The following DMRT2 variants were observed in gnomAD, a reference collection of about 807,000 sequenced individuals.
The protein encoded by DMRT2 is doublesex- and mab-3-related transcription factor 2.
In DMRT2, 33 loss-of-function variants were observed where a neutral mutation model predicts 43.5. That is an observed-to-expected ratio of 0.76 (90% CI 0.58 to 1.01). The LOEUF (loss-of-function observed/expected upper bound fraction) is 1.01. Among genes scored for constraint, DMRT2 ranks in the 50% least tolerant of loss-of-function variants. The pLI, the probability that DMRT2 is intolerant of heterozygous loss-of-function variation, is 0.00. For synonymous variants in DMRT2, 395 were observed against 309.2 expected (o/e 1.28, Z -2.91); for missense variants, 1,064 against 748.0 (o/e 1.42, Z -4.93).
In DMRT2 at chr9:1,051,595, C is replaced by A. The variant is rs776923221; in HGVS notation, c.-19C>A. 2.6e-6 allele frequency: 4 copies of A among 1,517,114 alleles called. No individual in the cohort carries two copies. The South Asian group carries it at 4.9e-5, about 19-fold the overall frequency. The allele number at this position is 1,517,114 out of a possible 1,614,324, so 94.0% of individuals were successfully genotyped here. ...AGTGAGGGCCGCCAGGCTCAGGCCC[C>A]AGCGAAGCCCCGAGCGCCATGGCCG... On this transcript the variant is annotated 5_prime_UTR_variant, in exon 2 of 4. Coordinates refer to ENST00000358146, the MANE Select transcript of DMRT2 (RefSeq NM_181872.6). The surrounding 1 kb of genome is among the most constrained non-coding windows in gnomAD (Gnocchi z 5.9).
intron 3 of DMRT2, among the ~76,000 whole-genome samples, chr9:1,054,288 C>A (rs1229983023): frequency 6.6e-6 from 1 of 152,204 alleles, no homozygotes; most frequent in Non-Finnish European, 1.5e-5. Context: ...ACCACGTCCA[C>A]TTTTCTTAGT....
chr9:1,053,850 C>T, intron 3 of DMRT2, 26 bp downstream of exon 3: 1 of 1,583,234 alleles, frequency 6.3e-7, no homozygotes, highest in Non-Finnish European at 8.7e-7. Flanking sequence ...TATCCTTCAG[C>T]CTTTTAAACA....
In DMRT2 at chr9:1,057,012, C is replaced by G. The variant is rs1390990741; in HGVS notation, c.1425C>G (p.Phe475Leu). Residue 475 changes from phenylalanine to leucine, a missense_variant, in exon 4 of 4, where the codon TTC (phenylalanine) becomes TTG (leucine). Physicochemically the swap from Phe to Leu is conservative, Grantham distance 22. Coordinates refer to ENST00000358146, the MANE Select transcript of DMRT2 (RefSeq NM_181872.6). ...PLRHNPFHSL[F>L]QQTLTDKSGP... ...GACATAATCCATTCCACTCATTATT[C>G]CAGCAAACACTTACTGACAAATCGG... 1.9e-6 allele frequency: 3 copies of G among 1,614,198 alleles called. No homozygotes were observed. The South Asian group carries it at 3.3e-5, about 18-fold the overall frequency.
chr9:1,053,155 A>G (rs938564111), intron 2 of DMRT2: 4 of 152,506 alleles, frequency 2.6e-5, no homozygotes, highest in African/African-American at 9.6e-5. Context: ...AGCTGGTGGG[A>G]TAGGTGACTG....
At chr9:1,052,181 G>A (rs1821640619) in intron 2 of DMRT2, 43 bp downstream of exon 2, 1 of 1,310,808 alleles carries the variant, frequency 7.6e-7, no homozygotes, top group Non-Finnish European at 9.7e-7. Context: ...CACAGTGGAG[G>A]TGGGGGAGTT....
At chr9:1,053,172 C>A (rs1821727782) in intron 2 of DMRT2, 1 of 152,556 alleles carries the variant, frequency 6.6e-6, no homozygotes. Flanking sequence ...ACTGCAGAGG[C>A]GAGGGTGGGT....
chr9:1,056,706 G>A lies in DMRT2; in HGVS notation c.1119G>A (p.Gly373=), dbSNP rs1323565511. The A allele has an allele frequency of 1.9e-6, 3 of 1,614,002 alleles. No individual in the cohort carries two copies. Among genetic ancestry groups the A allele is most frequent in the Non-Finnish European group, 2.5e-6 (3 of 1,180,034 alleles). ...ATTSVQALKP[G]ASWDLKGARV... ...CCTCAGTTCAAGCCCTGAAGCCTGG[G>A]GCCAGCTGGGACTTGAAGGGAGCAC... The change falls in exon 4 of 4, where the codon GGG becomes GGA. Residue 373 remains glycine, a synonymous_variant. Coordinates refer to ENST00000358146, the MANE Select transcript of DMRT2 (RefSeq NM_181872.6).
At position 1,056,870 on chromosome 9, in the gene DMRT2, C is replaced by A; in HGVS notation, c.1283C>A (p.Ala428Glu). 6.2e-7 allele frequency: 1 copy of A among 1,614,146 alleles called. No individual in the cohort carries two copies. The highest frequency in any genetic ancestry group is 8.5e-7 in the Non-Finnish European group (1 of 1,180,042). The change falls in exon 4 of 4, where the codon GCG becomes GAG. Residue 428 changes from alanine to glutamate, a missense_variant. Ala to Glu is a moderately radical substitution (Grantham distance 107, BLOSUM62 -1). Transcript: ENST00000358146. Reference protein sequence around the residue: ...QGHQAVPERSAFSPPRRNFSP... With the variant: ...QGHQAVPERSEFSPPRRNFSP... ...CATCAGGCTGTCCCAGAGAGGTCCG[C>A]GTTCTCCCCACCCCGACGGAATTTC...
Position 1,056,735 on chromosome 9 carries a change from T to C in DMRT2, c.1148T>C (p.Val383Ala). The change falls in exon 4 of 4, where the codon GTC becomes GCC. Residue 383 changes from valine (V) to alanine (A), a missense_variant. Physicochemically the swap from Val to Ala is moderately conservative, Grantham distance 64 (BLOSUM62 0). Transcript: ENST00000358146. ...AGCTGGGACTTGAAGGGAGCACGAG[T>C]CCAGGATGGACTCAGTGCAGAGCAG... Reference protein sequence around the residue: ...GASWDLKGARVQDGLSAEQDM... With the variant: ...GASWDLKGARAQDGLSAEQDM... 6.2e-7 allele frequency: 1 copy of C among 1,613,854 alleles called. No homozygotes were observed. Among genetic ancestry groups the C allele is most frequent in the Non-Finnish European group, 8.5e-7 (1 of 1,179,968 alleles).
chr9:1,051,993 G>A lies in DMRT2; in HGVS notation c.380G>A (p.Arg127His). ...LSRTPKCARCRNHGVVSCLKG... is the reference protein window; with the variant it reads ...LSRTPKCARCHNHGVVSCLKG... ...CGCACGCCCAAGTGCGCGCGCTGCC[G>A]CAACCACGGCGTGGTGTCCTGCCTG... The change falls in exon 2 of 4, where the codon CGC (arginine) becomes CAC (histidine). Residue 127 changes from arginine to histidine, a missense_variant. Physicochemically the swap from Arg to His is conservative, Grantham distance 29. Transcript: ENST00000358146. The surrounding 1 kb of genome is among the most constrained non-coding windows in gnomAD (Gnocchi z 5.9). 6.9e-7 allele frequency: 1 copy of A among 1,450,212 alleles called. No individual in the cohort carries two copies. Among genetic ancestry groups the A allele is most frequent in the Non-Finnish European group, 9.0e-7 (1 of 1,107,300 alleles). 89.8% of individuals were successfully genotyped at this position (1,450,212 alleles called of 1,614,324 possible). A position where few individuals can be genotyped will look rare whatever the true frequency, so the allele number is the denominator to read the frequency against.
rs1822083128 is a variant in DMRT2 at position 1,057,410 on chromosome 9, T to C, written c.*137T>C. ...TGATGATTTTGAAAAATTTTATATA[T>C]TCCTAATATGCATGTACTTTTTCTT... On this transcript the variant is annotated 3_prime_UTR_variant, in exon 4 of 4. Transcript: ENST00000358146. 6 of 893,826 alleles carry C rather than the reference T, an allele frequency of 6.7e-6. No individual in the cohort carries two copies. The highest frequency in any genetic ancestry group is 8.2e-6 in the Non-Finnish European group (5 of 609,624). 55.4% of individuals were successfully genotyped at this position (893,826 alleles called of 1,614,324 possible).
intron 3 of DMRT2, chr9:1,055,659 C>G (rs976026079): frequency 6.4e-6 from 9 of 1,400,462 alleles, no homozygotes; most frequent in South Asian, 4.9e-5. Context: ...TTTTCTTAAG[C>G]CTTTTTTTTC....
At position 1,051,842 on chromosome 9, in the gene DMRT2, C is replaced by CA; in HGVS notation, c.230dup (p.Pro78AlafsTer109). 1 of 1,429,438 alleles carries CA rather than the reference C, an allele frequency of 7.0e-7. No individual in the cohort carries two copies. The highest frequency in any genetic ancestry group is 9.1e-7 in the Non-Finnish European group (1 of 1,099,910). The allele number at this position is 1,429,438 out of a possible 1,614,324, so 88.5% of individuals were successfully genotyped here. A position where few individuals can be genotyped will look rare whatever the true frequency, so the allele number is the denominator to read the frequency against. On this transcript the variant is annotated frameshift_variant, in exon 2 of 4. Coordinates refer to ENST00000358146, the MANE Select transcript of DMRT2 (RefSeq NM_181872.6). LOFTEE classifies it high-confidence loss of function. This position sits in a 1 kb window ranked among gnomAD's most constrained non-coding sequence, Gnocchi z 5.9. ...AGGCGCGTCCCCCGGGATGCCCGGC[C>CA]AGCCGGAGCAGCGGGGGGGACCGCA...
chr9:1,050,366 G>C lies in DMRT2; in HGVS notation c.-454G>C, dbSNP rs953341747. 1.3e-5 allele frequency: 2 copies of C among 152,254 alleles called. No homozygotes were observed. Among genetic ancestry groups the C allele is most frequent in the African/African-American group, 2.4e-5 (1 of 41,466 alleles). The allele number at this position is 152,254 out of a possible 1,614,324, so 9.4% of individuals were successfully genotyped here. A position where few individuals can be genotyped will look rare whatever the true frequency, so the allele number is the denominator to read the frequency against. On this transcript the variant is annotated 5_prime_UTR_variant, in exon 1 of 4. Coordinates refer to ENST00000358146, the MANE Select transcript of DMRT2 (RefSeq NM_181872.6). ...TCTGCAGACTGAAGCCAGTGGCGCT[G>C]CGCTGAATGCAACTGCGCGCGCCCG...
rs773972613 is a variant in DMRT2, at chr9:1,057,180, T to G, written c.1593T>G (p.Val531=). The G allele has an allele frequency of 3.7e-6, 6 of 1,614,128 alleles. No homozygotes were observed. Among genetic ancestry groups the G allele is most frequent in the Non-Finnish European group, 5.1e-6 (6 of 1,180,012 alleles). The stretch of plus-strand genomic sequence containing the variant: ...AAGACCTTTTTGTAGCCAAACAAGT[T>G]GGAACAAAACTCTCGGTGAATGAAC... ...CAKDLFVAKQ[V]GTKLSVNEPL... is the part of the protein sequence containing the mutation. Residue 531 remains valine, a synonymous_variant, in exon 4 of 4, where the codon GTT becomes GTG. Coordinates refer to ENST00000358146, the MANE Select transcript of DMRT2 (RefSeq NM_181872.6).
At chr9:1,056,036 C>T (rs749744094) in intron 3 of DMRT2, 180 bp from the exon 4 acceptor site, 77 of 1,424,184 alleles carry the variant, frequency 5.4e-5, no homozygotes, top group Non-Finnish European at 6.7e-5. Context: ...ATATCTTTCA[C>T]CCTCCCAGGA....
Position 1,053,583 on chromosome 9 carries a change from A to G in DMRT2, c.526-139A>G, listed in dbSNP as rs557335680. 1,960 of 786,324 alleles carry G rather than the reference A, an allele frequency of 2.5e-3. 7 individuals carry two copies. Among genetic ancestry groups the G allele is most frequent in the Non-Finnish European group, 3.4e-3 (1,683 of 497,466 alleles). The allele number at this position is 786,324 out of a possible 1,614,324, so 48.7% of individuals were successfully genotyped here. On this transcript the variant is annotated intron_variant, in intron 2 of 3. Coordinates refer to ENST00000358146, the MANE Select transcript of DMRT2 (RefSeq NM_181872.6). ...TGCTGATATTAATTCGTTTGTAATT[A>G]TTTTTCACACGGAATGGGAAAATTC... is the stretch of plus-strand genomic sequence containing the variant.
rs555457612 is a variant in DMRT2, at chr9:1,050,653, C to G, written c.-167C>G. ...TTCCGGGCCTCCAGCTATCAGCTCC[C>G]GATCTCGTGTTTGAGGGTAGCGACC... is the stretch of plus-strand genomic sequence containing the variant. On this transcript the variant is annotated 5_prime_UTR_variant, in exon 1 of 4. Coordinates refer to ENST00000358146, the MANE Select transcript of DMRT2 (RefSeq NM_181872.6). The G allele has an allele frequency of 1.3e-4, 20 of 152,524 alleles. No homozygotes were observed. The highest frequency in any genetic ancestry group is 4.8e-4 in the African/African-American group (20 of 41,560). The allele number at this position is 152,524 out of a possible 1,614,324, so 9.4% of individuals were successfully genotyped here.
intron 2 of DMRT2, among the ~76,000 whole-genome samples, 189 bp from the exon 3 acceptor site, chr9:1,053,533 A>C (rs117028698): frequency 0.014 from 2,133 of 152,348 alleles, 23 homozygotes; most frequent in Non-Finnish European, 0.021. Flanking sequence ...CTGAGGTTCC[A>C]GCTCCTTGCC....
Sources: gnomAD v4.1 joint callset for allele counts (sites outside exome capture counted in the v4.1 genomes callset) on GRCh38, gnomAD v4.1.1 for gene constraint, Gnocchi (gnomAD v3.1) non-coding constraint, MANE v1.5 for transcripts, NCBI Gene and HGNC (gene_info 2026-07-23, HGNC 2026-07-21) for gene names.